WASF3: variants seen among roughly 807,000 people sequenced by gnomAD.
WASF3 encodes actin-binding protein WASF3.
A neutral mutation model predicts 46.6 loss-of-function variants in WASF3; 11 were observed. The ratio of observed to expected loss-of-function variants is 0.24; its 90% CI spans 0.15 to 0.39. The LOEUF (loss-of-function observed/expected upper bound fraction) is 0.39. Among genes scored for constraint, WASF3 ranks in the 10% least tolerant of loss-of-function variants. The probability of loss-of-function intolerance (pLI) is 1.00; values close to 1 mark genes in which losing one functional copy is unlikely to be tolerated. For synonymous variants in WASF3, 242 were observed against 259.7 expected (o/e 0.93, Z 0.65); for missense variants, 576 against 669.8 (o/e 0.86, Z 1.55).
Position 26,557,768 on chromosome 13 carries a change from G to C in WASF3, c.-160G>C. 2 of 260,706 alleles carry C rather than the reference G, an allele frequency of 7.7e-6. No homozygotes were observed. 16.1% of individuals were successfully genotyped at this position (260,706 alleles called of 1,614,324 possible). The stretch of plus-strand genomic sequence containing the variant: ...GCGCCGGGCGGCCGCGGCGCGGCGG[G>C]ACCATGGAGCTCAGAGCGCAGCCCC... On this transcript the variant is annotated 5_prime_UTR_variant, in exon 1 of 10. Transcript: ENST00000335327.
chr13:26,619,976 A>G (rs1881254391), intron 2 of WASF3, among the ~76,000 whole-genome samples: 1 of 152,202 alleles, frequency 6.6e-6, no homozygotes, highest in South Asian at 2.1e-4. Flanking sequence ...TGGCATATTT[A>G]TAATTGGGAC....
chr13:26,675,730 C>T (rs747616741), intron 6 of WASF3, among the ~76,000 whole-genome samples: 2 of 151,546 alleles, frequency 1.3e-5, no homozygotes, highest in African/African-American at 4.9e-5. Context: ...ACTAGAAGTT[C>T]ATGCTTGCTG....
Position 26,618,738 on chromosome 13 carries a change from T to C in WASF3, c.-11+5680T>C, listed in dbSNP as rs565599153. The C allele has an allele frequency of 2.0e-5, 3 of 152,346 alleles. No individual in the cohort carries two copies. In the East Asian group the frequency reaches 5.8e-4, roughly 29 times the overall value. 9.4% of individuals were successfully genotyped at this position (152,346 alleles called of 1,614,324 possible). A position where few individuals can be genotyped will look rare whatever the true frequency, so the allele number is the denominator to read the frequency against. On this transcript the variant is annotated intron_variant, in intron 2 of 9. Coordinates refer to ENST00000335327, the MANE Select transcript of WASF3 (RefSeq NM_006646.6). Reference sequence around the variant, plus strand: ...CATGAATTCTGTGCACAAGTGAGAATGTTTCTCAGAATAAGAGATGGAAAT... The same window carrying C: ...CATGAATTCTGTGCACAAGTGAGAACGTTTCTCAGAATAAGAGATGGAAAT...
chr13:26,547,041 C>T, the WASF3 span, among the ~76,000 whole-genome samples: 1 of 151,994 alleles, frequency 6.6e-6, no homozygotes, highest in Non-Finnish European at 1.5e-5. Flanking sequence ...ATTCCAGGGG[C>T]CATTACTTCT....
the WASF3 span, among the ~76,000 whole-genome samples, chr13:26,539,918 C>T: frequency 5.1e-3 from 769 of 152,248 alleles, 5 homozygotes; most frequent in African/African-American, 0.018. Flanking sequence ...GTCAAAGTCC[C>T]TTCAAGGGGC....
chr13:26,617,392 A>G (rs2137233871), intron 2 of WASF3, among the ~76,000 whole-genome samples: 1 of 151,966 alleles, frequency 6.6e-6, no homozygotes, highest in Non-Finnish European at 1.5e-5. Flanking sequence ...CCTGGTGTAT[A>G]TTTTTAATCT....
upstream of WASF3, among the ~76,000 whole-genome samples, chr13:26,556,205 C>T (rs1211837829): frequency 2.6e-5 from 4 of 152,082 alleles, no homozygotes; most frequent in South Asian, 2.1e-4. Context: ...AGTGTAGCAG[C>T]GGTTTATAAG....
intron 3 of WASF3, among the ~76,000 whole-genome samples, chr13:26,652,438 C>T (rs1052792619): frequency 3.9e-5 from 6 of 152,068 alleles, no homozygotes; most frequent in African/African-American, 7.2e-5. Flanking sequence ...TAACAAGTAC[C>T]GCTCAGTAAT....
At chr13:26,646,991 A>T (rs556660913) in intron 3 of WASF3, among the ~76,000 whole-genome samples, 2 of 152,358 alleles carry the variant, frequency 1.3e-5, no homozygotes, top group East Asian at 3.9e-4. Flanking sequence ...CTACAACTTT[A>T]CATAACTTTT....
At chr13:26,598,236 A>T (rs1354370202) in intron 1 of WASF3, among the ~76,000 whole-genome samples, 1 of 152,014 alleles carries the variant, frequency 6.6e-6, no homozygotes, top group Non-Finnish European at 1.5e-5. Flanking sequence ...GCGTTTTTTC[A>T]TGTGTCTTTT....
Position 26,687,872 on chromosome 13 carries a change from C to T in WASF3, c.*2027C>T, listed in dbSNP as rs1228856987. 2 of 152,028 alleles carry T rather than the reference C, an allele frequency of 1.3e-5. No homozygotes were observed. The highest frequency in any genetic ancestry group is 4.8e-5 in the African/African-American group (2 of 41,398). 9.4% of individuals were successfully genotyped at this position (152,028 alleles called of 1,614,324 possible). On this transcript the variant is annotated 3_prime_UTR_variant, in exon 10 of 10. Coordinates refer to ENST00000335327, the MANE Select transcript of WASF3 (RefSeq NM_006646.6). ...GGTCTAGAACTCCCCTTTGGTAATG[C>T]TTCTTTGTTTTTTTATGGCCCTTCT...
At chr13:26,554,076 C>T (rs545515578), upstream of WASF3, among the ~76,000 whole-genome samples, 117 of 72,426 alleles carry the variant, frequency 1.6e-3, no homozygotes, top group East Asian at 2.6e-3. Flanking sequence ...TCCTTCCTTC[C>T]TTCCTTCCTT....
At chr13:26,594,844 A>C in intron 1 of WASF3, among the ~76,000 whole-genome samples, 1 of 150,878 alleles carries the variant, frequency 6.6e-6, no homozygotes, top group South Asian at 2.1e-4. Flanking sequence ...TTCCTCATTC[A>C]CTCCTCTGTG....
rs1879630200 is a variant in WASF3 at position 26,571,421 on chromosome 13, T to C, written c.-109+13602T>C. 2.0e-5 allele frequency among the ~76,000 whole-genome samples: 3 copies of C among 152,210 alleles called. No homozygotes were observed. The South Asian group carries it at 6.2e-4, about 32-fold the overall frequency. On this transcript the variant is annotated intron_variant, in intron 1 of 9. Coordinates refer to ENST00000335327, the MANE Select transcript of WASF3 (RefSeq NM_006646.6). ...TACGCTACAAATTTATTCTGATATA[T>C]ATGGTGTGAGGAATAGATCTGATTT...
At chr13:26,586,013 C>G (rs1236774659) in intron 1 of WASF3, among the ~76,000 whole-genome samples, 1 of 152,074 alleles carries the variant, frequency 6.6e-6, no homozygotes, top group Non-Finnish European at 1.5e-5. Flanking sequence ...TTTGGGATTG[C>G]ATGGAATAGA....
the WASF3 span, among the ~76,000 whole-genome samples, chr13:26,540,199 G>A: frequency 1.9e-3 from 288 of 152,272 alleles, 1 homozygote; most frequent in African/African-American, 6.8e-3. Context: ...GCCAGTTCCT[G>A]CTCCTCCTAC....
At chr13:26,639,232 G>A (rs1461512357) in intron 2 of WASF3, among the ~76,000 whole-genome samples, 4 of 152,216 alleles carry the variant, frequency 2.6e-5, no homozygotes, top group African/African-American at 9.6e-5. Flanking sequence ...TAGACAGGTA[G>A]CATGGCCTCT....
intron 2 of WASF3, among the ~76,000 whole-genome samples, chr13:26,627,269 CTT>C (rs56996940): frequency 1.3e-5 from 2 of 150,242 alleles, no homozygotes; most frequent in African/African-American, 4.9e-5. Context: ...TTATACTATA[CTT>C]TTTTTTTTAT....
At chr13:26,645,721 T>G (rs1041420135) in intron 3 of WASF3, among the ~76,000 whole-genome samples, 3 of 152,162 alleles carry the variant, frequency 2.0e-5, no homozygotes, top group African/African-American at 7.2e-5. Context: ...GAAAAATATG[T>G]GACCTGTAAT....
Sources: gnomAD v4.1 joint callset for allele counts (sites outside exome capture counted in the v4.1 genomes callset) on GRCh38, gnomAD v4.1.1 for gene constraint, MANE v1.5 for transcripts, NCBI Gene and HGNC (gene_info 2026-07-23, HGNC 2026-07-21) for gene names.